Variants in TSHZ2 observed in about 807,000 individuals in gnomAD.
TSHZ2 encodes teashirt zinc finger homeobox 2, also known as teashirt homolog 2.
A neutral mutation model predicts 74.4 loss-of-function variants in TSHZ2; 21 were observed. That is an observed-to-expected ratio of 0.28 (90% confidence interval 0.20 to 0.41). The LOEUF (loss-of-function observed/expected upper bound fraction) is 0.41. Ranked by LOEUF, TSHZ2 falls within the 10% of genes least tolerant of loss-of-function variation. The pLI, the probability that TSHZ2 is intolerant of heterozygous loss-of-function variation, is 1.00. For missense variants in TSHZ2, 1,244 were observed against 1,293.5 expected (o/e 0.96, Z 0.59); for synonymous variants, 540 against 515.3 (o/e 1.05, Z -0.65).
At chr20:53,016,540 C>G (rs555402324) in intron 1 of TSHZ2, among the ~76,000 whole-genome samples, 1 of 152,302 alleles carries the variant, frequency 6.6e-6, no homozygotes, top group African/African-American at 2.4e-5. Context: ...TACCATGTGA[C>G]TCACCCTCTG....
intron 1 of TSHZ2, among the ~76,000 whole-genome samples, chr20:53,190,128 TA>T (rs1425553797): frequency 8.9e-5 from 9 of 100,934 alleles, no homozygotes; most frequent in African/African-American, 2.7e-4. Context: ...TATATATATA[TA>T]TATATATATT....
At chr20:53,139,029 A>T (rs1987322255) in intron 1 of TSHZ2, among the ~76,000 whole-genome samples, 1 of 152,232 alleles carries the variant, frequency 6.6e-6, no homozygotes, top group Non-Finnish European at 1.5e-5. Context: ...CCTCCCTGCT[A>T]AGTGGGTCTG....
chr20:53,268,702 G>T (rs1990767965), intron 2 of TSHZ2, among the ~76,000 whole-genome samples: 5 of 152,192 alleles, frequency 3.3e-5, no homozygotes. Context: ...ACCCCAGGTT[G>T]CTCACCTGTT....
At chr20:53,023,099 A>T (rs1983306388) in intron 1 of TSHZ2, among the ~76,000 whole-genome samples, 1 of 152,240 alleles carries the variant, frequency 6.6e-6, no homozygotes. Context: ...AGCCTAAAAC[A>T]GTCTCTGTTC....
chr20:53,010,208 G>A (rs1025461340), intron 1 of TSHZ2, among the ~76,000 whole-genome samples: 4 of 152,132 alleles, frequency 2.6e-5, no homozygotes, highest in African/African-American at 9.7e-5. Flanking sequence ...TTCCTAACTG[G>A]AACCCTGGAG....
intron 2 of TSHZ2, among the ~76,000 whole-genome samples, chr20:53,391,915 C>T (rs1292224829): frequency 1.3e-5 from 2 of 152,000 alleles, no homozygotes; most frequent in African/African-American, 2.4e-5. Context: ...TGCACTCCAG[C>T]GTGGGTGACA....
chr20:53,123,207 A>C (rs530242860), intron 1 of TSHZ2, among the ~76,000 whole-genome samples: 1 of 152,348 alleles, frequency 6.6e-6, no homozygotes, highest in African/African-American at 2.4e-5. Context: ...CATCCGTGTC[A>C]GTTATCTATT....
At chr20:53,126,285 C>T (rs1337517292) in intron 1 of TSHZ2, among the ~76,000 whole-genome samples, 3 of 152,220 alleles carry the variant, frequency 2.0e-5, no homozygotes, top group Non-Finnish European at 2.9e-5. Context: ...ACACAGCATT[C>T]ATTCCTGGGT....
At chr20:53,367,469 A>G (rs958725186) in intron 2 of TSHZ2, among the ~76,000 whole-genome samples, 1 of 152,194 alleles carries the variant, frequency 6.6e-6, no homozygotes, top group African/African-American at 2.4e-5. Context: ...TCCTGAGTCC[A>G]GATGGGGTTG....
chr20:53,147,447 C>G (rs1028623090), intron 1 of TSHZ2, among the ~76,000 whole-genome samples: 1 of 152,160 alleles, frequency 6.6e-6, no homozygotes, highest in African/African-American at 2.4e-5. Context: ...GTAGTCCTAC[C>G]TTCTTCAATC....
intron 1 of TSHZ2, among the ~76,000 whole-genome samples, chr20:53,221,821 T>C (rs1478953698): frequency 6.6e-6 from 1 of 152,218 alleles, no homozygotes; most frequent in Non-Finnish European, 1.5e-5. Flanking sequence ...TGCATTATGA[T>C]GAAGCTAAGC....
chr20:53,041,960 G>C (rs1396846250), intron 1 of TSHZ2, among the ~76,000 whole-genome samples: 1 of 152,124 alleles, frequency 6.6e-6, no homozygotes, highest in African/African-American at 2.4e-5. Flanking sequence ...ATGGTGGCAA[G>C]TTCCTCCCAG....
intron 1 of TSHZ2, among the ~76,000 whole-genome samples, chr20:53,134,924 A>G (rs1381406360): frequency 2.0e-5 from 3 of 151,798 alleles, no homozygotes; most frequent in African/African-American, 7.3e-5. Context: ...TGTTTGTGAC[A>G]TTTATACTCT....
intron 1 of TSHZ2, among the ~76,000 whole-genome samples, chr20:53,249,858 G>C (rs961383843): frequency 5.3e-5 from 8 of 152,236 alleles, no homozygotes; most frequent in African/African-American, 1.9e-4. Context: ...AGAGAGGGCT[G>C]TCATGACCTA....
At position 53,062,624 on chromosome 20, in the gene TSHZ2, G is replaced by C. The variant is rs1352833359; in HGVS notation, c.40+89291G>C. 1.3e-5 allele frequency among the ~76,000 whole-genome samples: 2 copies of C among 152,188 alleles called. 1 individual carries two copies. Among genetic ancestry groups the C allele is most frequent in the East Asian group, 3.8e-4 (2 of 5,196 alleles). The stretch of plus-strand genomic sequence containing the variant: ...TGAAGAGAGTTAGGGCCTTGCTCTG[G>C]ATTAGGCTTTGGCTTAAGGGAATGT... On this transcript the variant is annotated intron_variant, in intron 1 of 2. Coordinates refer to ENST00000371497, the MANE Select transcript of TSHZ2 (RefSeq NM_173485.6).
At position 52,997,262 on chromosome 20, in the gene TSHZ2, G is replaced by T. The variant is rs374571045; in HGVS notation, c.40+23929G>T. On this transcript the variant is annotated intron_variant, in intron 1 of 2. Transcript: ENST00000371497. ...GGTTCCTGTGCTCATCTTGCCCCGG[G>T]GGGGGGTTCAGCACTGTCCTGCTCT... Among the ~76,000 whole-genome samples the T allele has an allele frequency of 5.6e-3, 757 of 135,512 alleles. 11 individuals are homozygous for T. The highest frequency in any genetic ancestry group is 0.025 in the African/African-American group (728 of 29,514). 88.9% of individuals were successfully genotyped at this position (135,512 alleles called of 152,430 possible). A position where few individuals can be genotyped will look rare whatever the true frequency, so the allele number is the denominator to read the frequency against.
Position 53,254,729 on chromosome 20 carries a change from T to C in TSHZ2, c.1271T>C (p.Leu424Ser), listed in dbSNP as rs766974322. 8 of 1,613,984 alleles carry C rather than the reference T, an allele frequency of 5.0e-6. No homozygotes were observed. The Admixed American group carries it at 6.7e-5, about 13-fold the overall frequency. ...GGGAAGCAGCTGGTATTAGACCCGTTAGCAGTGGAGAAAATGCAGTCGTTG... is the reference window on the plus strand; with the variant it reads ...GGGAAGCAGCTGGTATTAGACCCGTCAGCAGTGGAGAAAATGCAGTCGTTG... Reference protein sequence around the residue: ...KKGKQLVLDPLAVEKMQSLSE... With the variant: ...KKGKQLVLDPSAVEKMQSLSE... Residue 424 changes from leucine to serine, a missense_variant, in exon 2 of 3, where the codon TTA (leucine) becomes TCA (serine). Coordinates refer to ENST00000371497, the MANE Select transcript of TSHZ2 (RefSeq NM_173485.6).
intron 2 of TSHZ2, among the ~76,000 whole-genome samples, chr20:53,257,947 G>A (rs1990517204): frequency 6.6e-6 from 1 of 152,220 alleles, no homozygotes; most frequent in South Asian, 2.1e-4. Flanking sequence ...GTAGAGAGCG[G>A]TATTTACATG....
At chr20:53,320,849 G>T (rs1368266040) in intron 2 of TSHZ2, among the ~76,000 whole-genome samples, 1 of 152,228 alleles carries the variant, frequency 6.6e-6, no homozygotes, top group Non-Finnish European at 1.5e-5. Flanking sequence ...AGCTGTGTGT[G>T]CTTAAGCAAG....
Sources: gnomAD v4.1 joint callset for allele counts (sites outside exome capture counted in the v4.1 genomes callset) on GRCh38, gnomAD v4.1.1 for gene constraint, MANE v1.5 for transcripts, NCBI Gene and HGNC (gene_info 2026-07-23, HGNC 2026-07-21) for gene names.